Variants in ZNF16 observed in about 807,000 individuals in gnomAD.
ZNF16 encodes zinc finger protein KOX9.
In ZNF16, 7 loss-of-function variants were observed where a neutral mutation model predicts 9.0. That is an observed-to-expected ratio of 0.78 (90% CI 0.44 to 1.47). The LOEUF is 1.47. Ranked by LOEUF, ZNF16 falls within the 40% of genes most tolerant of loss-of-function variation. The pLI, the probability that ZNF16 is intolerant of heterozygous loss-of-function variation, is 0.01. For synonymous variants in ZNF16, 312 were observed against 301.5 expected (o/e 1.03, Z -0.36); for missense variants, 830 against 854.2 (o/e 0.97, Z 0.35).
At chr8:144,946,591 G>GCC (rs1563925648) in intron 1 of ZNF16, among the ~76,000 whole-genome samples, 3 of 134,826 alleles carry the variant, frequency 2.2e-5, no homozygotes, top group African/African-American at 8.5e-5. Flanking sequence ...CCTGCTGTGG[G>GCC]TCTGTATCCT....
chr8:144,945,456 A>T (rs1833902500), intron 2 of ZNF16: 1 of 152,216 alleles, frequency 6.6e-6, no homozygotes, highest in South Asian at 2.1e-4. Context: ...ATTTTTTAGT[A>T]GAGATAGGGT....
At chr8:144,946,686 C>CTGT (rs1833950252) in intron 1 of ZNF16, among the ~76,000 whole-genome samples, 4 of 110,524 alleles carry the variant, frequency 3.6e-5, no homozygotes, top group Non-Finnish European at 5.5e-5. Flanking sequence ...TACTGTGGGC[C>CTGT]ATACCCTGCT....
chr8:144,947,847 T>C (rs1189515644), intron 1 of ZNF16: 3 of 152,352 alleles, frequency 2.0e-5, no homozygotes, highest in African/African-American at 7.2e-5. Context: ...CGTGGCGGCA[T>C]GACGGGCTCC....
chr8:144,942,755 T>C (rs1833836046), intron 2 of ZNF16, among the ~76,000 whole-genome samples: 1 of 152,198 alleles, frequency 6.6e-6, no homozygotes, highest in African/African-American at 2.4e-5. Flanking sequence ...TTATACATAG[T>C]GGGGTAAAAA....
At chr8:144,935,076 G>A (rs984010256) in intron 2 of ZNF16, among the ~76,000 whole-genome samples, 5 of 152,242 alleles carry the variant, frequency 3.3e-5, no homozygotes, top group African/African-American at 2.4e-5. Context: ...CGTGAGAAGG[G>A]TGAGAGATCA....
At chr8:144,940,296 G>C (rs1397877079) in intron 2 of ZNF16, among the ~76,000 whole-genome samples, 3 of 152,086 alleles carry the variant, frequency 2.0e-5, no homozygotes, top group Non-Finnish European at 4.4e-5. Context: ...GCCCAGGCTG[G>C]TCTCGAACTC....
At chr8:144,948,866 A>G (rs1834023508) in intron 1 of ZNF16, among the ~76,000 whole-genome samples, 1 of 152,170 alleles carries the variant, frequency 6.6e-6, no homozygotes, top group African/African-American at 2.4e-5. Context: ...CTTATGTTAC[A>G]CTACATACCA....
chr8:144,950,064 A>G (rs1057419672), intron 1 of ZNF16, among the ~76,000 whole-genome samples: 9 of 152,332 alleles, frequency 5.9e-5, no homozygotes, highest in Middle Eastern at 3.4e-3. Context: ...GTTGGCAGCA[A>G]TGCTGCCTTG....
chr8:144,939,383 T>C (rs565710312), intron 2 of ZNF16, among the ~76,000 whole-genome samples: 14 of 152,154 alleles, frequency 9.2e-5, no homozygotes, highest in African/African-American at 2.6e-4. Flanking sequence ...GGCGGGTGGA[T>C]TGCCTGAGCT....
Position 144,933,808 on chromosome 8 carries a change from C to T in ZNF16, c.197-1218G>A, listed in dbSNP as rs1026612321. Among the ~76,000 whole-genome samples the T allele has an allele frequency of 6.6e-6, 1 of 152,220 alleles. No individual in the cohort carries two copies. The highest frequency in any genetic ancestry group is 1.5e-5 in the Non-Finnish European group (1 of 68,042). Reference sequence around the variant, plus strand: ...ACATGGCCCTCGTGCTACCCACTTCCCTTGCACAGGCCTTGCTGGAGAGCC... The same window carrying T: ...ACATGGCCCTCGTGCTACCCACTTCTCTTGCACAGGCCTTGCTGGAGAGCC... On this transcript the variant is annotated intron_variant, in intron 2 of 2. Coordinates refer to ENST00000394909, the MANE Select transcript of ZNF16 (RefSeq NM_006958.3). This position sits in a 1 kb window ranked among gnomAD's most constrained non-coding sequence, Gnocchi z 5.6.
At chr8:144,945,951 G>C in intron 2 of ZNF16, 60 bp downstream of exon 2, 1 of 1,601,188 alleles carries the variant, frequency 6.2e-7, no homozygotes, top group Non-Finnish European at 8.5e-7. Flanking sequence ...TAAGCACAGG[G>C]TTCCATGGAC....
In ZNF16 at chr8:144,930,506, G is replaced by A; in HGVS notation, c.*232C>T. Reference sequence around the variant, plus strand: ...TAACAAACGTGCAGTCCGTTCACAAGCTGTAAAAACAAGCCCAAACCCAAG... The same window carrying A: ...TAACAAACGTGCAGTCCGTTCACAAACTGTAAAAACAAGCCCAAACCCAAG... On this transcript the variant is annotated 3_prime_UTR_variant, in exon 3 of 3. Transcript: ENST00000394909. The A allele has an allele frequency of 2.1e-6, 1 of 469,064 alleles. No homozygotes were observed. 29.1% of individuals were successfully genotyped at this position (469,064 alleles called of 1,614,324 possible).
chr8:144,937,137 CTCTCTCTTT>C (rs1353707988), intron 2 of ZNF16, among the ~76,000 whole-genome samples: 2 of 112,990 alleles, frequency 1.8e-5, no homozygotes, highest in South Asian at 5.8e-4. Flanking sequence ...CACTTTCTTT[CTCTCTCTTT>C]TTTTTTTTTT....
Position 144,930,735 on chromosome 8 carries a change from A to G in ZNF16, c.*3T>C. 7.2e-6 allele frequency: 11 copies of G among 1,519,376 alleles called. No homozygotes were observed. Among genetic ancestry groups the G allele is most frequent in the Non-Finnish European group, 9.7e-6 (11 of 1,135,574 alleles). 94.1% of individuals were successfully genotyped at this position (1,519,376 alleles called of 1,614,324 possible). ...TCGGTTTCACTCCTGCCAGCCCAAC[A>G]GCCTATTCCCTGGTGTGAATCAACT... On this transcript the variant is annotated 3_prime_UTR_variant, in exon 3 of 3. Transcript: ENST00000394909.
In ZNF16 at chr8:144,931,020, A is replaced by C; in HGVS notation, c.1767T>G (p.Ile589Met). The C allele has an allele frequency of 6.2e-7, 1 of 1,614,166 alleles. No homozygotes were observed. The highest frequency in any genetic ancestry group is 8.5e-7 in the Non-Finnish European group (1 of 1,180,026). ...GKAFNRSSNL[I>M]HHQKVHTGEK... ...CCCCAGTATGAACTTTCTGGTGGTGAATGAGATTTGAGCTTCGGTTGAAGG... is the reference window on the plus strand; with the variant it reads ...CCCCAGTATGAACTTTCTGGTGGTGCATGAGATTTGAGCTTCGGTTGAAGG... The change falls in exon 3 of 3, where the codon ATT (isoleucine) becomes ATG (methionine). Residue 589 changes from isoleucine (I) to methionine (M), a missense_variant. By Grantham distance (10) the Ile-to-Met change is conservative (BLOSUM62 1). Transcript: ENST00000394909.
Position 144,930,740 on chromosome 8 carries a change from AT to A in ZNF16, c.2046del (p.Glu682AspfsTer9). 1 of 1,523,226 alleles carries A rather than the reference AT, an allele frequency of 6.6e-7. No individual in the cohort carries two copies. Among genetic ancestry groups the A allele is most frequent in the Non-Finnish European group, 8.8e-7 (1 of 1,137,740 alleles). The allele number at this position is 1,523,226 out of a possible 1,614,324, so 94.4% of individuals were successfully genotyped here. ...TTCACTCCTGCCAGCCCAACAGCCT[AT>A]TCCCTGGTGTGAATCAACTGGTGTT... ...LIKHQLIHTR[E>X] is the part of the protein sequence containing the mutation. On this transcript the variant is annotated frameshift_variant, in exon 3 of 3. Transcript: ENST00000394909. LOFTEE classifies it high-confidence loss of function.
In ZNF16 at chr8:144,946,075, G is replaced by A. The variant is rs1172790392; in HGVS notation, c.132C>T (p.Ala44=). ...APAVTHPGSA[A]CGTPCCSDTE... Reference sequence around the variant, plus strand: ...TATCACTACAGCAGGGGGTACCACAGGCTGCAGATCCAGGGTGGGTCACAG... The same window carrying A: ...TATCACTACAGCAGGGGGTACCACAAGCTGCAGATCCAGGGTGGGTCACAG... Residue 44 remains alanine (A), a synonymous_variant, in exon 2 of 3, where the codon GCC becomes GCT. Coordinates refer to ENST00000394909, the MANE Select transcript of ZNF16 (RefSeq NM_006958.3). The A allele has an allele frequency of 6.2e-7, 1 of 1,613,588 alleles. No homozygotes were observed. The highest frequency in any genetic ancestry group is 1.1e-5 in the South Asian group (1 of 91,070).
chr8:144,947,506 G>A (rs1833993464), intron 1 of ZNF16, among the ~76,000 whole-genome samples: 1 of 152,192 alleles, frequency 6.6e-6, no homozygotes, highest in African/African-American at 2.4e-5. Flanking sequence ...GCTCCAAAGG[G>A]TGAACAGCCA....
intron 2 of ZNF16, chr8:144,945,713 C>G: frequency 3.3e-6 from 1 of 307,218 alleles, no homozygotes; most frequent in Non-Finnish European, 6.0e-6. Context: ...AGGGCTGCCA[C>G]CAGCCTGGTT....
Sources: gnomAD v4.1 joint callset for allele counts (sites outside exome capture counted in the v4.1 genomes callset) on GRCh38, gnomAD v4.1.1 for gene constraint, Gnocchi (gnomAD v3.1) non-coding constraint, MANE v1.5 for transcripts, NCBI Gene and HGNC (gene_info 2026-07-23, HGNC 2026-07-21) for gene names.